Variants in ARFGEF3 observed in about 807,000 individuals in gnomAD.
The protein encoded by ARFGEF3 is brefeldin A-inhibited guanine nucleotide-exchange protein 3.
In ARFGEF3, 96 loss-of-function variants were observed where a neutral mutation model predicts 221.7. The observed-to-expected ratio is 0.43, with a 90% CI of 0.37 to 0.51. The LOEUF (loss-of-function observed/expected upper bound fraction) is 0.51. ARFGEF3 is among the 20% of genes least tolerant of loss of function. The pLI is 0.00. For synonymous variants in ARFGEF3, 1,145 were observed against 1,126.8 expected, an observed-to-expected ratio of 1.02 and a Z score of -0.32; for missense variants, 2,410 against 2,789.9, an observed-to-expected ratio of 0.86 and a Z score of 3.07.
rs74359650 is a variant in ARFGEF3, at chr6:138,227,565, C to T, written c.352-2219C>T. ...GTGGTGCCAGTCTTTATTGTCAATACTTAAAAAATCAAGAGCCCAGAGGGA... is the reference window on the plus strand; with the variant it reads ...GTGGTGCCAGTCTTTATTGTCAATATTTAAAAAATCAAGAGCCCAGAGGGA... On this transcript the variant is annotated intron_variant, in intron 4 of 33. Transcript: ENST00000251691. 3.1e-3 allele frequency among the ~76,000 whole-genome samples: 479 copies of T among 152,258 alleles called. 2 individuals carry two copies. The highest frequency in any genetic ancestry group is 0.017 in the Middle Eastern group (5 of 294).
chr6:138,209,503 G>T (rs1485721447), intron 3 of ARFGEF3, among the ~76,000 whole-genome samples: 1 of 152,188 alleles, frequency 6.6e-6, no homozygotes, highest in African/African-American at 2.4e-5. Flanking sequence ...AGGCTGGAGT[G>T]CAGTGGTGTG....
At chr6:138,273,962 A>C (rs571712495) in intron 12 of ARFGEF3, among the ~76,000 whole-genome samples, 1 of 152,346 alleles carries the variant, frequency 6.6e-6, no homozygotes, top group South Asian at 2.1e-4. Context: ...CTGCCTGCAG[A>C]TGTAGGCTGG....
At chr6:138,214,458 G>A (rs922463934) in intron 4 of ARFGEF3, among the ~76,000 whole-genome samples, 8 of 152,198 alleles carry the variant, frequency 5.3e-5, no homozygotes, top group African/African-American at 1.9e-4. Flanking sequence ...TGCTATTCAG[G>A]AGGGATAAGG....
At chr6:138,181,290 A>G (rs1777075619) in intron 2 of ARFGEF3, among the ~76,000 whole-genome samples, 1 of 152,216 alleles carries the variant, frequency 6.6e-6, no homozygotes, top group South Asian at 2.1e-4. Context: ...TGCACGAATT[A>G]TTAATCTTCA....
intron 22 of ARFGEF3, among the ~76,000 whole-genome samples, chr6:138,301,996 A>C (rs1583057389): frequency 6.6e-6 from 1 of 152,110 alleles, no homozygotes; most frequent in Non-Finnish European, 1.5e-5. Context: ...TCTGGGGGGA[A>C]AAAAACCCTC....
At chr6:138,295,819 C>T (rs1054589671) in intron 20 of ARFGEF3, among the ~76,000 whole-genome samples, 2 of 152,222 alleles carry the variant, frequency 1.3e-5, no homozygotes, top group East Asian at 3.8e-4. Flanking sequence ...GAAAGTTCCA[C>T]ACCTGACCTC....
chr6:138,175,112 T>G (rs2114437574), intron 2 of ARFGEF3, among the ~76,000 whole-genome samples: 1 of 152,338 alleles, frequency 6.6e-6, no homozygotes, highest in Admixed American at 6.5e-5. Flanking sequence ...CTCAAGGCTC[T>G]GTCACTGATG....
chr6:138,271,053 G>C (rs1459571488), intron 12 of ARFGEF3, among the ~76,000 whole-genome samples: 1 of 152,210 alleles, frequency 6.6e-6, no homozygotes, highest in Non-Finnish European at 1.5e-5. Flanking sequence ...TTGGCCAGAT[G>C]ATAGGCGCCT....
intron 2 of ARFGEF3, among the ~76,000 whole-genome samples, chr6:138,194,420 G>A (rs546317165): frequency 9.8e-5 from 15 of 152,290 alleles, no homozygotes; most frequent in African/African-American, 2.9e-4. Context: ...TGGAGATTCC[G>A]GGCAGGGTGC....
At chr6:138,304,587 A>G (rs992838538) in intron 22 of ARFGEF3, among the ~76,000 whole-genome samples, 2 of 152,358 alleles carry the variant, frequency 1.3e-5, no homozygotes, top group African/African-American at 4.8e-5. Context: ...TATCACGTGA[A>G]TTCAGATTCA....
chr6:138,191,047 A>T (rs1777294688), intron 2 of ARFGEF3, among the ~76,000 whole-genome samples: 1 of 152,180 alleles, frequency 6.6e-6, no homozygotes, highest in Non-Finnish European at 1.5e-5. Context: ...ACAGGATAAT[A>T]GCCACTGCCC....
intron 27 of ARFGEF3, among the ~76,000 whole-genome samples, chr6:138,319,049 G>A (rs1023247233): frequency 1.3e-5 from 2 of 151,378 alleles, no homozygotes; most frequent in South Asian, 4.2e-4. Flanking sequence ...AAATTCCTGG[G>A]CTCAAGCGAT....
At chr6:138,203,154 G>T (rs889774789) in intron 2 of ARFGEF3, among the ~76,000 whole-genome samples, 2 of 143,734 alleles carry the variant, frequency 1.4e-5, no homozygotes, top group African/African-American at 5.9e-5. Context: ...GCCAGATTGT[G>T]TGTATGTGTG....
intron 1 of ARFGEF3, among the ~76,000 whole-genome samples, chr6:138,166,281 AATGTTGCAAATAATG>A (rs1358239204): frequency 6.6e-6 from 1 of 152,262 alleles, no homozygotes. Flanking sequence ...TTCACTTTAG[AATGTTGCAAATAATG>A]GAACAACATA....
chr6:138,173,411 T>G (rs6911543), intron 2 of ARFGEF3, among the ~76,000 whole-genome samples: 139 of 152,248 alleles, frequency 9.1e-4, no homozygotes, highest in African/African-American at 3.2e-3. Flanking sequence ...ATCCAAAGTG[T>G]TGTTTAACTT....
At chr6:138,271,179 G>T (rs901259052) in intron 12 of ARFGEF3, among the ~76,000 whole-genome samples, 3 of 152,128 alleles carry the variant, frequency 2.0e-5, no homozygotes, top group Non-Finnish European at 2.9e-5. Flanking sequence ...TGGCATTGTG[G>T]AATATAAAAC....
chr6:138,298,563 T>C (rs531286940), intron 21 of ARFGEF3, 43 bp from the exon 22 acceptor site: 1 of 1,541,572 alleles, frequency 6.5e-7, no homozygotes, highest in East Asian at 2.3e-5. Flanking sequence ...ATTCTCACTG[T>C]CTGCTGTCCT....
chr6:138,300,228 C>T (rs1006802038), intron 22 of ARFGEF3, among the ~76,000 whole-genome samples: 2 of 152,124 alleles, frequency 1.3e-5, no homozygotes, highest in Non-Finnish European at 2.9e-5. Context: ...TATAAGTTAA[C>T]ACCTAAAGAC....
At chr6:138,281,310 T>C (rs1779191896) in intron 14 of ARFGEF3, among the ~76,000 whole-genome samples, 1 of 152,186 alleles carries the variant, frequency 6.6e-6, no homozygotes, top group South Asian at 2.1e-4. Context: ...TAGTTCTCTC[T>C]CTATATATAA....
Sources: allele counts gnomAD v4.1 joint callset (sites outside exome capture counted in the v4.1 genomes callset), GRCh38; gene constraint gnomAD v4.1.1; transcripts MANE v1.5; gene names NCBI Gene and HGNC (gene_info 2026-07-23, HGNC 2026-07-21).